The following DOCK1 variants were observed in gnomAD, a reference collection of about 807,000 sequenced individuals.
DOCK1 encodes dedicator of cytokinesis protein 1.
DOCK1 carries 138 observed loss-of-function variants against 262.7 expected under a neutral mutation model. The observed-to-expected ratio is 0.53, with a 90% CI of 0.46 to 0.61. The LOEUF (loss-of-function observed/expected upper bound fraction) is 0.61. Among genes scored for constraint, DOCK1 ranks in the 20% least tolerant of loss-of-function variants. The pLI is 0.00. For missense variants in DOCK1, 1,908 were observed against 2,370.7 expected (o/e 0.80, Z 4.05); for synonymous variants, 866 against 867.4 (o/e 1.00, Z 0.03).
intron 29 of DOCK1, among the ~76,000 whole-genome samples, chr10:127,329,737 G>A (rs932981993): frequency 1.3e-5 from 2 of 152,122 alleles, no homozygotes; most frequent in Admixed American, 6.5e-5. Context: ...TGCTAAATCC[G>A]TCAACATTTA....
intron 27 of DOCK1, among the ~76,000 whole-genome samples, chr10:127,163,474 G>A (rs1426605347): frequency 1.3e-5 from 2 of 152,060 alleles, no homozygotes; most frequent in Non-Finnish European, 2.9e-5. Flanking sequence ...CCCACCTCAG[G>A]GCCAGAAGTA....
At chr10:126,975,437 G>T (rs1355152182) in intron 2 of DOCK1, among the ~76,000 whole-genome samples, 1 of 152,104 alleles carries the variant, frequency 6.6e-6, no homozygotes, top group Non-Finnish European at 1.5e-5. Context: ...GCTGGTTGCC[G>T]CAGTGGACAC....
chr10:127,135,912 T>C (rs2050650881), intron 27 of DOCK1: 1 of 152,664 alleles, frequency 6.6e-6, no homozygotes, highest in Non-Finnish European at 1.5e-5. Context: ...GAAACATTTT[T>C]ATAACTTTAG....
intron 27 of DOCK1, among the ~76,000 whole-genome samples, chr10:127,139,886 A>G (rs1236447812): frequency 6.6e-6 from 1 of 152,196 alleles, no homozygotes; most frequent in Non-Finnish European, 1.5e-5. Context: ...ATTATTATCT[A>G]TTGATCACTA....
intron 29 of DOCK1, among the ~76,000 whole-genome samples, chr10:127,274,928 C>T (rs1006232493): frequency 6.6e-6 from 1 of 152,162 alleles, no homozygotes; most frequent in Non-Finnish European, 1.5e-5. Context: ...TTACCCTCCT[C>T]CCAAGAATCA....
At chr10:126,920,602 C>T (rs1197479948) in intron 1 of DOCK1, among the ~76,000 whole-genome samples, 1 of 152,188 alleles carries the variant, frequency 6.6e-6, no homozygotes, top group African/African-American at 2.4e-5. Flanking sequence ...AAGCATTAAA[C>T]AGCTAAAAGG....
intron 1 of DOCK1, among the ~76,000 whole-genome samples, chr10:126,965,402 T>C (rs1438869170): frequency 6.6e-6 from 1 of 152,068 alleles, no homozygotes; most frequent in East Asian, 1.9e-4. Context: ...AAATGAGCCA[T>C]CATTCAGAAT....
intron 22 of DOCK1, among the ~76,000 whole-genome samples, chr10:127,054,744 G>A (rs1272873083): frequency 6.6e-6 from 1 of 152,124 alleles, no homozygotes; most frequent in Non-Finnish European, 1.5e-5. Flanking sequence ...TTTTTGTCAT[G>A]TTTTATTTGA....
At chr10:127,255,796 A>C (rs2134923489) in intron 28 of DOCK1, among the ~76,000 whole-genome samples, 1 of 152,364 alleles carries the variant, frequency 6.6e-6, no homozygotes, top group South Asian at 2.1e-4. Flanking sequence ...GTAATCATCA[A>C]GAAAGCCAGC....
intron 29 of DOCK1, among the ~76,000 whole-genome samples, chr10:127,284,265 C>T (rs1026965689): frequency 3.3e-5 from 5 of 151,890 alleles, no homozygotes; most frequent in African/African-American, 7.3e-5. Flanking sequence ...CCATCTCATT[C>T]GGTTAGGTTT....
intron 43 of DOCK1, among the ~76,000 whole-genome samples, chr10:127,412,723 A>G (rs2067933564): frequency 6.6e-6 from 1 of 152,208 alleles, no homozygotes; most frequent in Non-Finnish European, 1.5e-5. Flanking sequence ...TCTGCCAGTC[A>G]TGGGATCCTC....
At chr10:127,358,049 C>T (rs1427996608) in intron 32 of DOCK1, among the ~76,000 whole-genome samples, 1 of 151,552 alleles carries the variant, frequency 6.6e-6, no homozygotes, top group African/African-American at 2.4e-5. Context: ...GGTTTGGGAA[C>T]ATATTGGCAG....
At chr10:127,019,417 T>C (rs889659023) in intron 13 of DOCK1, among the ~76,000 whole-genome samples, 1 of 152,228 alleles carries the variant, frequency 6.6e-6, no homozygotes, top group African/African-American at 2.4e-5. Flanking sequence ...ATTTGTATCC[T>C]TTATATCCGT....
intron 23 of DOCK1, among the ~76,000 whole-genome samples, chr10:127,066,351 G>A (rs951126312): frequency 6.6e-6 from 1 of 152,118 alleles, no homozygotes; most frequent in African/African-American, 2.4e-5. Flanking sequence ...TGAAATTAGG[G>A]CAGAAAAGTC....
chr10:127,413,823 C>T (rs1028574059), intron 43 of DOCK1, among the ~76,000 whole-genome samples: 3 of 152,176 alleles, frequency 2.0e-5, no homozygotes, highest in Non-Finnish European at 4.4e-5. Context: ...TTGCCTGTGT[C>T]CTTATGGCTT....
At chr10:127,248,807 G>A (rs2059519266) in intron 28 of DOCK1, among the ~76,000 whole-genome samples, 1 of 152,118 alleles carries the variant, frequency 6.6e-6, no homozygotes, top group African/African-American at 2.4e-5. Flanking sequence ...CCAATCCCTG[G>A]GCCACACAGC....
intron 29 of DOCK1, among the ~76,000 whole-genome samples, chr10:127,263,809 T>C (rs546294791): frequency 6.6e-6 from 1 of 152,300 alleles, no homozygotes; most frequent in Non-Finnish European, 1.5e-5. Context: ...TGGTTGTTAA[T>C]GAGAATGTGA....
intron 48 of DOCK1, among the ~76,000 whole-genome samples, chr10:127,434,846 G>A (rs1482906265): frequency 6.6e-6 from 1 of 152,074 alleles, no homozygotes; most frequent in African/African-American, 2.4e-5. Flanking sequence ...TAGAGACGGG[G>A]TTTCACCATA....
intron 29 of DOCK1, among the ~76,000 whole-genome samples, chr10:127,301,213 T>G (rs1160981343): frequency 6.6e-6 from 1 of 152,138 alleles, no homozygotes; most frequent in Non-Finnish European, 1.5e-5. Context: ...AGGGTGTCAG[T>G]GTCACTTGAG....
Sources: gnomAD v4.1 joint callset for allele counts (sites outside exome capture counted in the v4.1 genomes callset) on GRCh38, gnomAD v4.1.1 for gene constraint, MANE v1.5 for transcripts, NCBI Gene and HGNC (gene_info 2026-07-23, HGNC 2026-07-21) for gene names.